Variants in FOXP1 observed in about 807,000 individuals in gnomAD.
FOXP1 encodes forkhead box protein P1.
FOXP1 carries 15 observed loss-of-function variants against 98.2 expected under a neutral mutation model. That is an observed-to-expected ratio of 0.15 (90% CI 0.10 to 0.24). The LOEUF is 0.24. Ranked by LOEUF, FOXP1 falls within the 10% of genes least tolerant of loss-of-function variation. FOXP1 has a pLI of 1.00. For missense variants in FOXP1, 633 were observed against 848.5 expected (o/e 0.75, Z 3.15); for synonymous variants, 371 against 314.5 (o/e 1.18, Z -1.90).
intron 2 of FOXP1, among the ~76,000 whole-genome samples, chr3:71,555,627 G>GA (rs1166685566): frequency 4.6e-5 from 7 of 152,144 alleles, no homozygotes; most frequent in Non-Finnish European, 8.8e-5. Flanking sequence ...TTTCATGTAA[G>GA]AAAATGTTGC....
intron 3 of FOXP1, among the ~76,000 whole-genome samples, chr3:71,404,117 T>TTCC (rs1283800230): frequency 5.4e-5 from 4 of 73,902 alleles, no homozygotes; most frequent in Non-Finnish European, 1.1e-4. Context: ...TTCTTTTCTT[T>TTCC]TTCTTTTTTT....
chr3:71,489,971 C>A (rs965203664), intron 3 of FOXP1, among the ~76,000 whole-genome samples: 1 of 152,108 alleles, frequency 6.6e-6, no homozygotes, highest in African/African-American at 2.4e-5. Context: ...ACACTTCACT[C>A]AGAATTAGAG....
At chr3:71,498,831 G>A (rs1449666616) in intron 2 of FOXP1, among the ~76,000 whole-genome samples, 1 of 152,172 alleles carries the variant, frequency 6.6e-6, no homozygotes, top group South Asian at 2.1e-4. Context: ...GACGGGGCCT[G>A]AGAATTTCTA....
intron 11 of FOXP1, among the ~76,000 whole-genome samples, chr3:71,016,201 T>C (rs1198347533): frequency 6.6e-6 from 1 of 151,808 alleles, no homozygotes; most frequent in Non-Finnish European, 1.5e-5. Context: ...AGATGATTCG[T>C]GTTTTTTTTA....
chr3:71,129,388 T>G (rs1284167062), intron 6 of FOXP1, among the ~76,000 whole-genome samples: 1 of 152,228 alleles, frequency 6.6e-6, no homozygotes, highest in East Asian at 1.9e-4. Context: ...TTTATGTATC[T>G]AAATGTTTCT....
intron 11 of FOXP1, among the ~76,000 whole-genome samples, chr3:71,034,759 A>G (rs976511231): frequency 2.6e-5 from 4 of 152,134 alleles, no homozygotes; most frequent in African/African-American, 9.7e-5. Context: ...AGAGCCAAGG[A>G]GTGGGTCTCA....
chr3:71,458,924 A>T (rs1404522095), intron 3 of FOXP1, among the ~76,000 whole-genome samples: 1 of 152,216 alleles, frequency 6.6e-6, no homozygotes, highest in East Asian at 1.9e-4. Context: ...GAAATATTTG[A>T]TTTTACTGTA....
In FOXP1 at chr3:71,156,673, G is replaced by C. The variant is rs528171648; in HGVS notation, c.180+41529C>G. Among the ~76,000 whole-genome samples the C allele has an allele frequency of 2.0e-5, 3 of 152,342 alleles. 1 individual carries two copies. In the South Asian group the frequency reaches 6.2e-4, roughly 32 times the overall value. On this transcript the variant is annotated intron_variant, in intron 6 of 20. Transcript: ENST00000649528. ...GATAAGCTCTTTTCTAATGGGCAGA[G>C]GCCATAGCATGAGTGGTAATTCAAC...
At chr3:71,480,632 A>G (rs2090198279) in intron 3 of FOXP1, among the ~76,000 whole-genome samples, 1 of 152,230 alleles carries the variant, frequency 6.6e-6, no homozygotes, top group African/African-American at 2.4e-5. Flanking sequence ...AGGGCACTCA[A>G]AATTGAAGCA....
intron 3 of FOXP1, among the ~76,000 whole-genome samples, chr3:71,392,078 C>CA (rs1282849443): frequency 6.6e-6 from 1 of 152,134 alleles, no homozygotes; most frequent in Non-Finnish European, 1.5e-5. Context: ...CTTTAGAAAA[C>CA]ATATCTAATC....
At chr3:71,232,879 A>AAAC in intron 5 of FOXP1, among the ~76,000 whole-genome samples, 1 of 142,824 alleles carries the variant, frequency 7.0e-6, no homozygotes, top group Non-Finnish European at 1.5e-5. Context: ...CTCTGTCTCA[A>AAAC]AAAAAAAAAA....
intron 3 of FOXP1, among the ~76,000 whole-genome samples, chr3:71,400,593 A>C (rs2081894567): frequency 6.6e-6 from 1 of 152,156 alleles, no homozygotes; most frequent in Non-Finnish European, 1.5e-5. Context: ...CCTGGCCTCA[A>C]GTGGTCCACC....
chr3:71,105,809 G>C (rs1347255116), intron 7 of FOXP1, among the ~76,000 whole-genome samples: 1 of 152,004 alleles, frequency 6.6e-6, no homozygotes, highest in African/African-American at 2.4e-5. Context: ...GACAAATAAA[G>C]ATATACTTAG....
At chr3:71,418,929 C>A (rs1345422363) in intron 3 of FOXP1, among the ~76,000 whole-genome samples, 2 of 120,486 alleles carry the variant, frequency 1.7e-5, no homozygotes, top group Non-Finnish European at 1.8e-5. Flanking sequence ...TATGAAAGAC[C>A]GGTCTCAAAA....
At chr3:71,242,790 A>G (rs1486900250) in intron 5 of FOXP1, among the ~76,000 whole-genome samples, 1 of 151,248 alleles carries the variant, frequency 6.6e-6, no homozygotes, top group East Asian at 1.9e-4. Context: ...AGCACTTTCA[A>G]ATATACTTAA....
At chr3:71,382,339 C>CA (rs2080248270) in intron 3 of FOXP1, among the ~76,000 whole-genome samples, 1 of 152,158 alleles carries the variant, frequency 6.6e-6, no homozygotes, top group Admixed American at 6.5e-5. Context: ...GCTGTGTCCC[C>CA]AGCATCTTGT....
intron 20 of FOXP1, among the ~76,000 whole-genome samples, chr3:70,960,684 G>A (rs1023977383): frequency 6.6e-6 from 1 of 152,048 alleles, no homozygotes; most frequent in African/African-American, 2.4e-5. Context: ...AATTGATGCT[G>A]TATGCAAACC....
At chr3:71,066,752 GTTT>G (rs1444487929) in intron 7 of FOXP1, among the ~76,000 whole-genome samples, 1 of 152,172 alleles carries the variant, frequency 6.6e-6, no homozygotes, top group African/African-American at 2.4e-5. Context: ...TATGCAATGT[GTTT>G]TTATTTTAGA....
chr3:71,571,808 C>G (rs889256017), intron 2 of FOXP1: 19 of 152,164 alleles, frequency 1.2e-4, no homozygotes. Flanking sequence ...CCCGATTATA[C>G]CACTGATTTC....
Sources: gnomAD v4.1 joint callset for allele counts (sites outside exome capture counted in the v4.1 genomes callset) on GRCh38, gnomAD v4.1.1 for gene constraint, MANE v1.5 for transcripts, NCBI Gene and HGNC (gene_info 2026-07-23, HGNC 2026-07-21) for gene names.